Variants in TLL1 observed in about 807,000 individuals in gnomAD.
TLL1 encodes the protein tolloid like 1, also known as tolloid-like protein 1.
TLL1 carries 49 observed loss-of-function variants against 128.2 expected under a neutral mutation model. That is an observed-to-expected ratio of 0.38 (90% CI 0.30 to 0.48). The LOEUF (loss-of-function observed/expected upper bound fraction) is 0.48. TLL1 is among the 20% of genes least tolerant of loss of function. The probability of loss-of-function intolerance (pLI) is 0.96; values close to 1 mark genes in which losing one functional copy is unlikely to be tolerated. For synonymous variants in TLL1, 454 were observed against 418.8 expected (o/e 1.08, Z -1.03); for missense variants, 1,123 against 1,242.0 (o/e 0.90, Z 1.44).
At chr4:165,878,745 C>T (rs1730832645) in intron 1 of TLL1, among the ~76,000 whole-genome samples, 1 of 151,964 alleles carries the variant, frequency 6.6e-6, no homozygotes, top group East Asian at 1.9e-4. Context: ...TAGCTAGTTG[C>T]TGTAATAATG....
At chr4:166,049,565 T>C (rs1178721638) in intron 12 of TLL1, among the ~76,000 whole-genome samples, 1 of 152,038 alleles carries the variant, frequency 6.6e-6, no homozygotes, top group African/African-American at 2.4e-5. Context: ...AGTTAAATCA[T>C]TCACATGAAA....
At chr4:166,029,757 A>G (rs886368807) in intron 9 of TLL1, among the ~76,000 whole-genome samples, 1 of 152,068 alleles carries the variant, frequency 6.6e-6, no homozygotes, top group African/African-American at 2.4e-5. Flanking sequence ...AGCATAGAGT[A>G]TTTGTCCCTT....
intron 12 of TLL1, among the ~76,000 whole-genome samples, chr4:166,048,023 G>C (rs1315812913): frequency 6.6e-6 from 1 of 151,922 alleles, no homozygotes; most frequent in Non-Finnish European, 1.5e-5. Context: ...GATCACCTGA[G>C]GTCAGGAGTT....
intron 1 of TLL1, among the ~76,000 whole-genome samples, chr4:165,988,821 G>T (rs1004533456): frequency 6.6e-6 from 1 of 151,932 alleles, no homozygotes; most frequent in Admixed American, 6.6e-5. Context: ...ATTTTACAGA[G>T]ACTCAGAGGC....
chr4:166,003,656 A>AC, intron 6 of TLL1, 87 bp downstream of exon 6: 1 of 1,363,782 alleles, frequency 7.3e-7, no homozygotes, highest in Non-Finnish European at 1.0e-6. Flanking sequence ...CTTTCCCAAA[A>AC]ATGTAAACTG....
intron 9 of TLL1, among the ~76,000 whole-genome samples, chr4:166,034,291 A>T (rs1220537029): frequency 6.6e-6 from 1 of 152,206 alleles, no homozygotes; most frequent in Non-Finnish European, 1.5e-5. Context: ...GATATGAAGA[A>T]TTTCAAGGAA....
chr4:166,024,674 G>T (rs569414788), intron 8 of TLL1, among the ~76,000 whole-genome samples: 2 of 151,938 alleles, frequency 1.3e-5, no homozygotes, highest in African/African-American at 4.8e-5. Flanking sequence ...GACAAGCTTA[G>T]CAAGAGGAAA....
chr4:165,965,962 C>T (rs563493732), intron 1 of TLL1, among the ~76,000 whole-genome samples: 3 of 151,856 alleles, frequency 2.0e-5, no homozygotes, highest in Non-Finnish European at 2.9e-5. Flanking sequence ...GGGTGGATCA[C>T]GAGGTCAGGA....
At chr4:165,934,495 T>C (rs1160498661) in intron 1 of TLL1, among the ~76,000 whole-genome samples, 1 of 152,244 alleles carries the variant, frequency 6.6e-6, no homozygotes, top group Admixed American at 6.5e-5. Flanking sequence ...CAAGTGGTGA[T>C]AAAATACCTT....
intron 3 of TLL1, among the ~76,000 whole-genome samples, chr4:165,993,668 G>A (rs1326653615): frequency 6.6e-6 from 1 of 152,044 alleles, no homozygotes; most frequent in African/African-American, 2.4e-5. Flanking sequence ...GAATAATCAT[G>A]TAAATTTAGG....
At chr4:166,064,693 C>G (rs1191415038) in intron 15 of TLL1, among the ~76,000 whole-genome samples, 1 of 151,984 alleles carries the variant, frequency 6.6e-6, no homozygotes, top group Non-Finnish European at 1.5e-5. Flanking sequence ...AAAGGAAAGT[C>G]AATGACAACA....
chr4:165,958,653 T>C lies in TLL1; in HGVS notation c.170-30728T>C, dbSNP rs1228204420. 2.1e-4 allele frequency among the ~76,000 whole-genome samples: 29 copies of C among 136,416 alleles called. No individual in the cohort carries two copies. In the East Asian group the frequency reaches 4.2e-3, roughly 20 times the overall value. The allele number at this position is 136,416 out of a possible 152,430, so 89.5% of individuals were successfully genotyped here. A position where few individuals can be genotyped will look rare whatever the true frequency, so the allele number is the denominator to read the frequency against. Reference sequence around the variant, plus strand: ...TAGGTTGCAAAAATTTTCTCCCATTTTGTAGGTTGCCTGTTCACTCTGATG... The same window carrying C: ...TAGGTTGCAAAAATTTTCTCCCATTCTGTAGGTTGCCTGTTCACTCTGATG... On this transcript the variant is annotated intron_variant, in intron 1 of 20. Transcript: ENST00000061240.
At chr4:166,000,432 G>A (rs955125723) in intron 5 of TLL1, among the ~76,000 whole-genome samples, 1 of 152,118 alleles carries the variant, frequency 6.6e-6, no homozygotes, top group African/African-American at 2.4e-5. Context: ...GAATAAGGCA[G>A]TGTGAAATCT....
chr4:165,925,251 C>T (rs543986235), intron 1 of TLL1, among the ~76,000 whole-genome samples: 30 of 152,236 alleles, frequency 2.0e-4, no homozygotes, highest in Non-Finnish European at 3.1e-4. Flanking sequence ...CAAAGTAAAT[C>T]GTAAACCTTC....
chr4:165,907,710 G>A (rs1044864075), intron 1 of TLL1, among the ~76,000 whole-genome samples: 8 of 151,980 alleles, frequency 5.3e-5, no homozygotes, highest in Non-Finnish European at 8.8e-5. Context: ...CACCACGCCC[G>A]TCTAATTTTG....
intron 1 of TLL1, among the ~76,000 whole-genome samples, chr4:165,967,223 G>A (rs1735429622): frequency 6.6e-6 from 1 of 152,306 alleles, no homozygotes; most frequent in African/African-American, 2.4e-5. Flanking sequence ...GAAAATCGCA[G>A]CCATCTTGTT....
intron 1 of TLL1, among the ~76,000 whole-genome samples, chr4:165,947,124 G>C (rs1734286967): frequency 6.6e-6 from 1 of 152,126 alleles, no homozygotes. Flanking sequence ...AGTAGGCAAA[G>C]TAGGTTCATT....
intron 1 of TLL1, among the ~76,000 whole-genome samples, chr4:165,976,995 G>A (rs978375933): frequency 6.6e-6 from 1 of 152,138 alleles, no homozygotes; most frequent in Non-Finnish European, 1.5e-5. Context: ...TTCCAGTGTG[G>A]CCCAGGGAAG....
intron 1 of TLL1, among the ~76,000 whole-genome samples, chr4:165,884,595 G>A (rs1731093443): frequency 6.6e-6 from 1 of 152,162 alleles, no homozygotes; most frequent in Non-Finnish European, 1.5e-5. Context: ...CAACACTTTG[G>A]GAGGCTGAGA....
Sources: allele counts gnomAD v4.1 joint callset (sites outside exome capture counted in the v4.1 genomes callset), GRCh38; gene constraint gnomAD v4.1.1; transcripts MANE v1.5; gene names NCBI Gene and HGNC (gene_info 2026-07-23, HGNC 2026-07-21).